Variants in DOCK1 observed in about 807,000 individuals in gnomAD.
The protein encoded by DOCK1 is dedicator of cytokinesis 1, also known as dedicator of cytokinesis protein 1.
Under a neutral mutation model 262.7 loss-of-function variants are expected in DOCK1, and 138 were observed. The observed-to-expected ratio is 0.53, with a 90% CI of 0.46 to 0.61. DOCK1 has a LOEUF of 0.61. Among genes scored for constraint, DOCK1 ranks in the 20% least tolerant of loss-of-function variants. The pLI, the probability that DOCK1 is intolerant of heterozygous loss-of-function variation, is 0.00. For missense variants in DOCK1, 1,908 were observed against 2,370.7 expected (o/e 0.80, Z 4.05); for synonymous variants, 866 against 867.4 (o/e 1.00, Z 0.03).
At chr10:126,935,503 T>C (rs2034504081) in intron 1 of DOCK1, among the ~76,000 whole-genome samples, 1 of 152,198 alleles carries the variant, frequency 6.6e-6, no homozygotes, top group Non-Finnish European at 1.5e-5. Context: ...GTGCTGCTGC[T>C]GGGACGTCCA....
intron 29 of DOCK1, among the ~76,000 whole-genome samples, chr10:127,335,755 C>T (rs886327901): frequency 6.6e-6 from 1 of 151,126 alleles, no homozygotes; most frequent in Non-Finnish European, 1.5e-5. Context: ...CACTCTGTCG[C>T]CTAGGCTGGA....
intron 7 of DOCK1, 88 bp downstream of exon 7, chr10:126,996,971 C>G: frequency 7.1e-7 from 1 of 1,401,340 alleles, no homozygotes; most frequent in Admixed American, 2.6e-5. Context: ...CCAAAATTGT[C>G]ACTAAGAAAG....
At chr10:127,135,427 A>C (rs2133195766) in intron 27 of DOCK1, 1 of 152,768 alleles carries the variant, frequency 6.5e-6, no homozygotes. Flanking sequence ...TAGCCACATA[A>C]AACATCTTTG....
At chr10:127,246,335 A>G (rs562131585) in intron 27 of DOCK1, among the ~76,000 whole-genome samples, 71 of 152,212 alleles carry the variant, frequency 4.7e-4, no homozygotes, top group Non-Finnish European at 8.1e-4. Context: ...AGGAAGAGAA[A>G]TTTGTGTGTG....
chr10:126,982,203 C>T (rs77696704), intron 4 of DOCK1, among the ~76,000 whole-genome samples: 7,024 of 152,164 alleles, frequency 0.046, 249 homozygotes, highest in African/African-American at 0.096. Context: ...AGTTACTGTC[C>T]TTGAACCTGG....
chr10:126,965,594 G>T (rs2037611592), intron 1 of DOCK1, among the ~76,000 whole-genome samples: 1 of 152,104 alleles, frequency 6.6e-6, no homozygotes, highest in Non-Finnish European at 1.5e-5. Flanking sequence ...TCAGCTCACT[G>T]TGTACCTTGA....
intron 26 of DOCK1, among the ~76,000 whole-genome samples, chr10:127,126,879 A>G (rs1182620568): frequency 6.6e-6 from 1 of 152,134 alleles, no homozygotes; most frequent in African/African-American, 2.4e-5. Flanking sequence ...TCATTCTCTC[A>G]GAGCCTGATT....
intron 22 of DOCK1, among the ~76,000 whole-genome samples, chr10:127,059,630 A>G (rs2045400742): frequency 6.6e-6 from 1 of 152,054 alleles, no homozygotes; most frequent in South Asian, 2.1e-4. Context: ...TAGTTTTAGA[A>G]TTTCCAGTTG....
chr10:127,071,409 A>G (rs9418740), intron 23 of DOCK1, among the ~76,000 whole-genome samples: 16,180 of 152,294 alleles, frequency 0.11, 1,081 homozygotes, highest in Admixed American at 0.15. Context: ...ACTTTGCAAC[A>G]GTAGCAGAAA....
In DOCK1 at chr10:126,923,040, C is replaced by T. The variant is rs572592603; in HGVS notation, c.46+17477C>T. Among the ~76,000 whole-genome samples the T allele has an allele frequency of 7.2e-5, 11 of 152,108 alleles. No homozygotes were observed. In the South Asian group the frequency reaches 1.5e-3, roughly 20 times the overall value. Reference sequence around the variant, plus strand: ...AGGAGAATTGCTTCAGCCCGGGAGGCGGAGGTTGCGTTGAGCCGAGATTGT... The same window carrying T: ...AGGAGAATTGCTTCAGCCCGGGAGGTGGAGGTTGCGTTGAGCCGAGATTGT... On this transcript the variant is annotated intron_variant, in intron 1 of 51. Transcript: ENST00000623213.
At chr10:127,076,462 C>T (rs922029693) in intron 23 of DOCK1, among the ~76,000 whole-genome samples, 1 of 152,202 alleles carries the variant, frequency 6.6e-6, no homozygotes, top group Non-Finnish European at 1.5e-5. Context: ...GATCACGCCA[C>T]TGCACTCCAG....
chr10:127,174,905 A>T (rs919825572), intron 27 of DOCK1, among the ~76,000 whole-genome samples: 2 of 152,178 alleles, frequency 1.3e-5, no homozygotes, highest in Non-Finnish European at 2.9e-5. Flanking sequence ...TACATTATCA[A>T]TATCATAAAC....
chr10:127,417,820 C>T (rs890919482), intron 44 of DOCK1, among the ~76,000 whole-genome samples: 3 of 152,116 alleles, frequency 2.0e-5, no homozygotes, highest in Admixed American at 2.0e-4. Flanking sequence ...AGGTGACCCG[C>T]CCACCTCAGC....
intron 33 of DOCK1, among the ~76,000 whole-genome samples, chr10:127,366,241 C>T (rs1447010070): frequency 6.6e-6 from 1 of 151,980 alleles, no homozygotes; most frequent in East Asian, 1.9e-4. Flanking sequence ...GAAAAACTAA[C>T]CCTTGTTTTA....
chr10:127,052,539 AAG>A (rs1197940734), intron 21 of DOCK1, 140 bp from the exon 22 acceptor site: 9 of 1,076,782 alleles, frequency 8.4e-6, no homozygotes, highest in African/African-American at 1.6e-5. Flanking sequence ...AAAAAAAAAA[AAG>A]AGAAAACGTT....
chr10:127,028,115 C>T (rs931395871), intron 16 of DOCK1, among the ~76,000 whole-genome samples: 3 of 152,166 alleles, frequency 2.0e-5, no homozygotes, highest in African/African-American at 7.2e-5. Context: ...TCATTGCATT[C>T]CTGTCCTGTC....
chr10:126,948,560 G>T (rs946516521), intron 1 of DOCK1, among the ~76,000 whole-genome samples: 2 of 151,906 alleles, frequency 1.3e-5, no homozygotes, highest in Non-Finnish European at 1.5e-5. Flanking sequence ...CGTGGGGTGG[G>T]GTCGGGATAG....
At chr10:127,094,829 G>A (rs1383736360) in intron 23 of DOCK1, among the ~76,000 whole-genome samples, 1 of 152,158 alleles carries the variant, frequency 6.6e-6, no homozygotes, top group African/African-American at 2.4e-5. Context: ...CCGTTTTCCT[G>A]TCTGTCGACT....
intron 1 of DOCK1, among the ~76,000 whole-genome samples, chr10:126,933,227 G>A (rs1309662396): frequency 2.6e-5 from 4 of 152,202 alleles, no homozygotes; most frequent in Non-Finnish European, 5.9e-5. Flanking sequence ...GGAAACAAAT[G>A]TTTCTGATCA....
Sources: allele counts gnomAD v4.1 joint callset (sites outside exome capture counted in the v4.1 genomes callset), GRCh38; gene constraint gnomAD v4.1.1; transcripts MANE v1.5; gene names NCBI Gene and HGNC (gene_info 2026-07-23, HGNC 2026-07-21).